Variants in GSDME observed in about 807,000 individuals in gnomAD.
The protein encoded by GSDME is gasdermin-E.
Under a neutral mutation model 47.5 loss-of-function variants are expected in GSDME, and 44 were observed. The observed-to-expected ratio is 0.93, with a 90% CI of 0.73 to 1.19. GSDME has a LOEUF of 1.19. Ranked by LOEUF, GSDME falls within the 50% of genes most tolerant of loss-of-function variation. The probability of loss-of-function intolerance (pLI) is 0.00; values close to 1 mark genes in which losing one functional copy is unlikely to be tolerated. For synonymous variants in GSDME, 258 were observed against 252.8 expected (o/e 1.02, Z -0.20); for missense variants, 663 against 604.2 (o/e 1.10, Z -1.02).
intron 3 of GSDME, among the ~76,000 whole-genome samples, chr7:24,743,644 C>A (rs990333002): frequency 2.0e-5 from 3 of 152,208 alleles, no homozygotes; most frequent in African/African-American, 7.2e-5. Flanking sequence ...CCCCTTTCAG[C>A]CCCTCCGACT....
upstream of GSDME, among the ~76,000 whole-genome samples, chr7:24,759,868 A>G (rs1011100006): frequency 1.3e-5 from 2 of 152,232 alleles, no homozygotes; most frequent in African/African-American, 4.8e-5. Context: ...GCACAGCCAT[A>G]ACTTTTTTAA....
At chr7:24,783,308 C>A in the GSDME span, among the ~76,000 whole-genome samples, 6 of 152,142 alleles carry the variant, frequency 3.9e-5, no homozygotes, top group Admixed American at 1.3e-4. Flanking sequence ...AGCAAGTTAC[C>A]TAACCTAGGG....
chr7:24,711,251 G>C (rs188713281), intron 5 of GSDME, among the ~76,000 whole-genome samples: 103 of 152,236 alleles, frequency 6.8e-4, no homozygotes, highest in Admixed American at 1.4e-3. Context: ...TTCTTTTTGA[G>C]ACAGAGTCAC....
chr7:24,707,697 CACA>C (rs942094832), intron 7 of GSDME: 36 of 383,760 alleles, frequency 9.4e-5, no homozygotes, highest in Non-Finnish European at 1.5e-4. Flanking sequence ...CACACACACA[CACA>C]GAGGGGAAGC....
chr7:24,743,268 T>A (rs1024629375), intron 3 of GSDME, among the ~76,000 whole-genome samples: 1 of 152,202 alleles, frequency 6.6e-6, no homozygotes. Flanking sequence ...TATTTAATAT[T>A]CCATATAATC....
At chr7:24,762,249 C>CA (rs11436239), upstream of GSDME, among the ~76,000 whole-genome samples, 94,044 of 131,356 alleles carry the variant, frequency 0.72, 33,367 homozygotes, top group African/African-American at 0.74. Flanking sequence ...AACTGTGTGT[C>CA]AAAAAAAAAA....
At chr7:24,747,449 G>C (rs1790702806) in intron 2 of GSDME, among the ~76,000 whole-genome samples, 1 of 152,204 alleles carries the variant, frequency 6.6e-6, no homozygotes, top group Non-Finnish European at 1.5e-5. Flanking sequence ...AGAGCTGAAA[G>C]AGGATTCAGA....
the GSDME span, among the ~76,000 whole-genome samples, chr7:24,791,738 C>T: frequency 6.6e-6 from 1 of 152,102 alleles, no homozygotes; most frequent in Non-Finnish European, 1.5e-5. The surrounding 1 kb of genome is among the most constrained non-coding windows in gnomAD (Gnocchi z 4.8). Flanking sequence ...GCAGAGTGTC[C>T]AGTAAAGGTC....
the GSDME span, among the ~76,000 whole-genome samples, chr7:24,794,402 C>T: frequency 0.13 from 20,408 of 151,976 alleles, 1,719 homozygotes; most frequent in East Asian, 0.41. Context: ...GGGGAGAGAC[C>T]GGCGGGAGTA....
chr7:24,770,757 G>T, the GSDME span, among the ~76,000 whole-genome samples: 1 of 151,588 alleles, frequency 6.6e-6, no homozygotes, highest in Non-Finnish European at 1.5e-5. The surrounding 1 kb of genome is among the most constrained non-coding windows in gnomAD (Gnocchi z 4.6). Flanking sequence ...CAGAAATAAA[G>T]AATGCCTTTG....
rs537861677 is a variant in GSDME at position 24,732,621 on chromosome 7, C to T, written c.404+11941G>A. Among the ~76,000 whole-genome samples the T allele has an allele frequency of 5.9e-5, 9 of 152,270 alleles. No individual in the cohort carries two copies. Among genetic ancestry groups the T allele is most frequent in the African/African-American group, 2.2e-4 (9 of 41,548 alleles). On this transcript the variant is annotated intron_variant, in intron 3 of 9. Coordinates refer to ENST00000645220, the MANE Select transcript of GSDME (RefSeq NM_001127453.2). This position sits in a 1 kb window ranked among gnomAD's most constrained non-coding sequence, Gnocchi z 4.8. ...GTGGCAGAGAGAGAGAAGCCGTGTG[C>T]TGTAGGAGGGAGAGCACAGCAACTG...
chr7:24,788,551 T>G, the GSDME span, among the ~76,000 whole-genome samples: 1 of 152,174 alleles, frequency 6.6e-6, no homozygotes, highest in African/African-American at 2.4e-5. The surrounding 1 kb of genome is among the most constrained non-coding windows in gnomAD (Gnocchi z 4.6). Flanking sequence ...GGGCACCAAC[T>G]AATAAGCCCA....
chr7:24,704,842 C>T (rs149850234), intron 8 of GSDME: 1 of 152,222 alleles, frequency 6.6e-6, no homozygotes, highest in Non-Finnish European at 1.5e-5. Context: ...GAGGTACACA[C>T]CACCATGCCT....
At chr7:24,775,727 T>G in the GSDME span, among the ~76,000 whole-genome samples, 1 of 151,488 alleles carries the variant, frequency 6.6e-6, no homozygotes, top group Non-Finnish European at 1.5e-5. Context: ...ATACAAAAAT[T>G]AGCTGGGCGT....
chr7:24,700,290 C>A (rs17149897), intron 9 of GSDME, among the ~76,000 whole-genome samples: 2,544 of 152,192 alleles, frequency 0.017, 81 homozygotes, highest in African/African-American at 0.058. Flanking sequence ...GCTCTAATTC[C>A]ACTGCTCAAC....
At chr7:24,795,503 G>A in the GSDME span, among the ~76,000 whole-genome samples, 1 of 152,166 alleles carries the variant, frequency 6.6e-6, no homozygotes, top group South Asian at 2.1e-4. Context: ...CTGCGTGAGA[G>A]GGTTGTGACC....
intron 3 of GSDME, among the ~76,000 whole-genome samples, chr7:24,719,490 G>A (rs1789696173): frequency 1.3e-5 from 2 of 152,108 alleles, no homozygotes; most frequent in African/African-American, 4.8e-5. Context: ...TTGTCAAGGA[G>A]AAGAAAAGAA....
At chr7:24,706,050 C>G in intron 8 of GSDME, 134 bp downstream of exon 8, 2 of 1,143,908 alleles carry the variant, frequency 1.7e-6, no homozygotes, top group East Asian at 2.6e-5. Context: ...CTTACCCTCC[C>G]TGTACCAGAA....
chr7:24,758,217 G>C (rs576084767), upstream of GSDME: 6 of 152,258 alleles, frequency 3.9e-5, no homozygotes, highest in South Asian at 2.1e-4. This position sits in a 1 kb window ranked among gnomAD's most constrained non-coding sequence, Gnocchi z 4.6. Context: ...AAAATCTCCC[G>C]GGCGTGTGCA....
Sources: allele counts gnomAD v4.1 joint callset (sites outside exome capture counted in the v4.1 genomes callset), GRCh38; gene constraint gnomAD v4.1.1; non-coding constraint Gnocchi (gnomAD v3.1); transcripts MANE v1.5; gene names NCBI Gene and HGNC (gene_info 2026-07-23, HGNC 2026-07-21).